ADAM19: variants seen among roughly 807,000 people sequenced by gnomAD.
ADAM19 encodes the protein disintegrin and metalloproteinase domain-containing protein 19.
In ADAM19, 65 loss-of-function variants were observed where a neutral mutation model predicts 114.7. The observed-to-expected ratio is 0.57, with a 90% CI of 0.46 to 0.70. The LOEUF (loss-of-function observed/expected upper bound fraction) is 0.70, where lower values mean the gene tolerates loss of function less well. ADAM19 is among the 30% of genes least tolerant of loss of function. The probability of loss-of-function intolerance (pLI) is 0.00; values close to 1 mark genes in which losing one functional copy is unlikely to be tolerated. For missense variants in ADAM19, 1,063 were observed against 1,204.7 expected, an observed-to-expected ratio of 0.88 and a Z score of 1.74; for synonymous variants, 466 against 460.5, an observed-to-expected ratio of 1.01 and a Z score of -0.15.
chr5:157,498,735 C>A (rs988563319), intron 13 of ADAM19, among the ~76,000 whole-genome samples: 1 of 146,620 alleles, frequency 6.8e-6, no homozygotes, highest in African/African-American at 2.5e-5. Context: ...TACATATGTC[C>A]GCATATATAA....
At chr5:157,494,095 T>C (rs1052895949) in intron 15 of ADAM19, among the ~76,000 whole-genome samples, 1 of 152,220 alleles carries the variant, frequency 6.6e-6, no homozygotes, top group Admixed American at 6.5e-5. Context: ...ATCTTGCACA[T>C]GGTAAATCTT....
At chr5:157,548,756 T>C (rs1757111546) in intron 3 of ADAM19, among the ~76,000 whole-genome samples, 1 of 152,188 alleles carries the variant, frequency 6.6e-6, no homozygotes, top group Admixed American at 6.5e-5. Context: ...AGGGGCCACA[T>C]TGTCAGCCTC....
At chr5:157,504,669 C>T (rs1251133620) in intron 11 of ADAM19, among the ~76,000 whole-genome samples, 1 of 152,174 alleles carries the variant, frequency 6.6e-6, no homozygotes, top group Non-Finnish European at 1.5e-5. Flanking sequence ...GAATCATAAA[C>T]AGGCCCTAAT....
At chr5:157,485,215 A>C (rs1247585463) in intron 21 of ADAM19, among the ~76,000 whole-genome samples, 1 of 152,148 alleles carries the variant, frequency 6.6e-6, no homozygotes, top group South Asian at 2.1e-4. Context: ...AGCTTTTACC[A>C]TCTTTCTTCA....
rs1282398094 is a variant in ADAM19, at chr5:157,497,064, C to T, written c.1424G>A (p.Arg475His). The change falls in exon 14 of 23, where the codon CGC becomes CAC. Residue 475 changes from arginine (R) to histidine (H), a missense_variant. Coordinates refer to ENST00000257527, the MANE Select transcript of ADAM19 (RefSeq NM_033274.5). ...CKLLAPGTLC[R>H]EQARQCDLPE... is the part of the protein sequence containing the mutation. ...GAGGTCACACTGCCTGGCCTGCTCGCGGCACAGGGTCCCAGGAGCCAACAG... is the reference window on the plus strand; with the variant it reads ...GAGGTCACACTGCCTGGCCTGCTCGTGGCACAGGGTCCCAGGAGCCAACAG... 33 of 1,539,472 alleles carry T rather than the reference C, an allele frequency of 2.1e-5. No individual in the cohort carries two copies. Among genetic ancestry groups the T allele is most frequent in the East Asian group, 5.1e-5 (2 of 38,994 alleles).
Position 157,509,385 on chromosome 5 carries a change from TTC to T in ADAM19, c.819_820del (p.Asn274SerfsTer22). The T allele has an allele frequency of 6.2e-7, 1 of 1,613,738 alleles. No homozygotes were observed. On this transcript the variant is annotated frameshift_variant, in exon 9 of 23. Transcript: ENST00000257527. LOFTEE classifies it high-confidence loss of function. ...AAAGGACCAGAGGGTAGAATATGGA[TTC>T]TCTGAAACTTCACACATGTTCCCGT...
intron 12 of ADAM19, 102 bp downstream of exon 12, chr5:157,502,701 A>T: frequency 7.5e-7 from 1 of 1,325,754 alleles, no homozygotes. Flanking sequence ...TATGTAGGAA[A>T]CACCTGTGAC....
intron 3 of ADAM19, among the ~76,000 whole-genome samples, chr5:157,559,681 A>G (rs1329870414): frequency 6.6e-6 from 1 of 151,542 alleles, no homozygotes; most frequent in Non-Finnish European, 1.5e-5. Context: ...TAGTCTCAGG[A>G]CATGGGGAAA....
chr5:157,562,098 C>T (rs574917978), intron 3 of ADAM19, among the ~76,000 whole-genome samples: 4 of 152,138 alleles, frequency 2.6e-5, no homozygotes, highest in African/African-American at 4.8e-5. Flanking sequence ...GTTTTGAATC[C>T]GGACTCGCAC....
chr5:157,544,597 T>C (rs189464946), intron 3 of ADAM19, among the ~76,000 whole-genome samples: 79 of 152,302 alleles, frequency 5.2e-4, no homozygotes, highest in Admixed American at 4.2e-3. Flanking sequence ...CTTCTTGAGA[T>C]CAGACAACTT....
intron 5 of ADAM19, among the ~76,000 whole-genome samples, chr5:157,530,171 G>A (rs1168050053): frequency 6.6e-6 from 1 of 152,134 alleles, no homozygotes. Flanking sequence ...CAGCTACCTT[G>A]CCTTTCAAAT....
chr5:157,561,029 G>GAT (rs1313390805), intron 3 of ADAM19, among the ~76,000 whole-genome samples: 2 of 152,204 alleles, frequency 1.3e-5, no homozygotes, highest in Non-Finnish European at 2.9e-5. Context: ...GAGGCTACAA[G>GAT]GTAGTAAGTG....
chr5:157,525,682 G>C (rs961929470), intron 5 of ADAM19, among the ~76,000 whole-genome samples: 33 of 128,574 alleles, frequency 2.6e-4, no homozygotes, highest in African/African-American at 8.5e-4. Flanking sequence ...ATTTAATGGG[G>C]AGAGGAAAAC....
intron 8 of ADAM19, among the ~76,000 whole-genome samples, chr5:157,511,150 G>C (rs547886105): frequency 2.0e-5 from 3 of 152,158 alleles, no homozygotes. Flanking sequence ...GATACAACGG[G>C]TTCTTTGATG....
At chr5:157,559,783 T>G (rs1168783717) in intron 3 of ADAM19, among the ~76,000 whole-genome samples, 2 of 152,198 alleles carry the variant, frequency 1.3e-5, no homozygotes, top group Non-Finnish European at 2.9e-5. Context: ...TCCCTTCTTG[T>G]ATTTTCTGTT....
intron 1 of ADAM19, among the ~76,000 whole-genome samples, chr5:157,574,652 C>A (rs1476262195): frequency 6.6e-6 from 1 of 152,160 alleles, no homozygotes; most frequent in East Asian, 1.9e-4. Flanking sequence ...GGAGCCAGGG[C>A]TAAGCCTTCT....
At chr5:157,503,748 G>A (rs577278856) in intron 11 of ADAM19, among the ~76,000 whole-genome samples, 25 of 152,320 alleles carry the variant, frequency 1.6e-4, no homozygotes, top group African/African-American at 5.8e-4. Flanking sequence ...TCTTGTGACA[G>A]AGGACCAGGC....
In ADAM19 at chr5:157,502,941, C is replaced by T; in HGVS notation, c.1170G>A (p.Arg390=). The T allele has an allele frequency of 6.2e-7, 1 of 1,614,162 alleles. No homozygotes were observed. Residue 390 remains arginine (R), a synonymous_variant, in exon 12 of 23, where the codon AGG becomes AGA. Transcript: ENST00000257527. ...CTGACTGCAGATACCTGTCCAGCTC[C>T]CTCCTGTTGCATCCATTGAACACTT... ...FPKVFNGCNR[R]ELDRYLQSGG...
chr5:157,513,049 T>G (rs965143212), intron 8 of ADAM19, among the ~76,000 whole-genome samples: 1 of 152,224 alleles, frequency 6.6e-6, no homozygotes, highest in Non-Finnish European at 1.5e-5. Flanking sequence ...AGGACAGTGT[T>G]CTGGGTCCTC....
Sources: allele counts gnomAD v4.1 joint callset (sites outside exome capture counted in the v4.1 genomes callset), GRCh38; gene constraint gnomAD v4.1.1; transcripts MANE v1.5; gene names NCBI Gene and HGNC (gene_info 2026-07-23, HGNC 2026-07-21).